Variants in CLVS1 observed in about 807,000 individuals in gnomAD.
The protein encoded by CLVS1 is clavesin-1.
A neutral mutation model predicts 33.1 loss-of-function variants in CLVS1; 10 were observed. That is an observed-to-expected ratio of 0.30 (90% CI 0.19 to 0.51). CLVS1 has a LOEUF of 0.51. CLVS1 is among the 20% of genes least tolerant of loss of function. The pLI is 0.97. For synonymous variants in CLVS1, 163 were observed against 166.1 expected, an observed-to-expected ratio of 0.98 and a Z score of 0.14; for missense variants, 343 against 433.4, an observed-to-expected ratio of 0.79 and a Z score of 1.85.
intron 2 of CLVS1, among the ~76,000 whole-genome samples, chr8:61,235,500 T>G (rs753033299): frequency 6.6e-6 from 1 of 152,226 alleles, no homozygotes; most frequent in Non-Finnish European, 1.5e-5. Flanking sequence ...AGTTTTTTGT[T>G]TTATTCAAAT....
intron 1 of CLVS1, among the ~76,000 whole-genome samples, chr8:61,064,697 C>G (rs899569651): frequency 2.6e-5 from 4 of 151,694 alleles, no homozygotes; most frequent in Non-Finnish European, 5.9e-5. Context: ...CCTGCCACCA[C>G]GTCCAGCTAA....
At chr8:61,315,222 C>G (rs1206056519) in intron 2 of CLVS1, among the ~76,000 whole-genome samples, 1 of 152,162 alleles carries the variant, frequency 6.6e-6, no homozygotes, top group Non-Finnish European at 1.5e-5. Context: ...AACTAAAACC[C>G]ATTTTTACCA....
At chr8:61,474,196 T>C (rs549188654) in intron 5 of CLVS1, among the ~76,000 whole-genome samples, 1 of 152,172 alleles carries the variant, frequency 6.6e-6, no homozygotes, top group East Asian at 1.9e-4. Context: ...CTAGATGTGG[T>C]GTTGCAGAAG....
intron 2 of CLVS1, among the ~76,000 whole-genome samples, chr8:61,314,868 G>A (rs112739085): frequency 1.3e-5 from 2 of 152,318 alleles, no homozygotes; most frequent in African/African-American, 4.8e-5. Context: ...AGATTAGGAA[G>A]CCAGAAAACT....
intron 2 of CLVS1, among the ~76,000 whole-genome samples, chr8:61,251,231 A>G (rs1189341324): frequency 6.6e-6 from 1 of 152,166 alleles, no homozygotes; most frequent in Non-Finnish European, 1.5e-5. Flanking sequence ...TGATTTGTGT[A>G]TGTTGAACCA....
chr8:61,471,324 T>C (rs2129607736), intron 5 of CLVS1, among the ~76,000 whole-genome samples: 1 of 152,308 alleles, frequency 6.6e-6, no homozygotes, highest in East Asian at 1.9e-4. Context: ...CTATTACCTT[T>C]CTTTCCTTCC....
intron 5 of CLVS1, among the ~76,000 whole-genome samples, chr8:61,481,055 G>T (rs148028420): frequency 6.6e-6 from 1 of 152,112 alleles, no homozygotes; most frequent in Non-Finnish European, 1.5e-5. Flanking sequence ...TGGTTTAGAG[G>T]AAAGGAAAGG....
the CLVS1 span, among the ~76,000 whole-genome samples, chr8:61,034,013 A>T: frequency 6.6e-6 from 1 of 152,062 alleles, no homozygotes; most frequent in African/African-American, 2.4e-5. Flanking sequence ...TTGATCATCC[A>T]CAAGTTCAGC....
At chr8:61,149,566 A>AAC (rs1806485711) in intron 2 of CLVS1, among the ~76,000 whole-genome samples, 1 of 149,258 alleles carries the variant, frequency 6.7e-6, no homozygotes, top group African/African-American at 2.5e-5. Flanking sequence ...AAAAAAAAAA[A>AAC]AACAAAAAAC....
intron 2 of CLVS1, among the ~76,000 whole-genome samples, chr8:61,343,690 A>C (rs2129598389): frequency 6.6e-6 from 1 of 152,318 alleles, no homozygotes; most frequent in Non-Finnish European, 1.5e-5. Flanking sequence ...GCCAGTTGCA[A>C]AATTAATGCT....
Position 61,214,251 on chromosome 8 carries a change from T to A in CLVS1, c.-152+82391T>A, listed in dbSNP as rs150702933. Among the ~76,000 whole-genome samples the A allele has an allele frequency of 3.3e-3, 500 of 152,308 alleles. 1 individual carries two copies. Among genetic ancestry groups the A allele is most frequent in the African/African-American group, 0.011 (465 of 41,558 alleles). ...TGCCTTGTGATATTCTATTACCTTGTAAAGTACTTGATGTCTGTGACCCAC... is the reference window on the plus strand; with the variant it reads ...TGCCTTGTGATATTCTATTACCTTGAAAAGTACTTGATGTCTGTGACCCAC... On this transcript the variant is annotated intron_variant, in intron 2 of 2. Transcript: ENST00000522621.
At chr8:61,188,827 T>G (rs1241899554) in intron 2 of CLVS1, among the ~76,000 whole-genome samples, 2 of 152,062 alleles carry the variant, frequency 1.3e-5, no homozygotes, top group African/African-American at 4.8e-5. Flanking sequence ...TGTAATTCTT[T>G]AGAATGCTTT....
intron 3 of CLVS1, among the ~76,000 whole-genome samples, chr8:61,437,384 A>G (rs1816370065): frequency 6.6e-6 from 1 of 152,234 alleles, no homozygotes; most frequent in African/African-American, 2.4e-5. Flanking sequence ...AACAAATTTA[A>G]TGACTTTGTC....
rs568618869 is a variant in CLVS1 at position 61,137,893 on chromosome 8, A to G, written c.-152+6033A>G. 5.3e-5 allele frequency among the ~76,000 whole-genome samples: 8 copies of G among 152,258 alleles called. No homozygotes were observed. In the South Asian group the frequency reaches 1.7e-3, roughly 32 times the overall value. ...GGAGAAGGTGCACCTTGGGGCTGAT[A>G]GGTGCTTCTGGGATCTCCTCTCATG... is the stretch of plus-strand genomic sequence containing the variant. On this transcript the variant is annotated intron_variant, in intron 2 of 2. Transcript: ENST00000522621.
Position 61,299,899 on chromosome 8 carries a change from C to A in CLVS1, c.72C>A (p.Thr24=). ...GGAACGGAGATTTGGCCAAGATGAC[C>A]CATTTACAGGCTGGACTCAGTCCAG... is the stretch of plus-strand genomic sequence containing the variant. ...NTWNGDLAKM[T]HLQAGLSPET... The change falls in exon 2 of 6, where the codon ACC becomes ACA. Residue 24 remains threonine, a synonymous_variant. Transcript: ENST00000325897. 1 of 1,613,872 alleles carries A rather than the reference C, an allele frequency of 6.2e-7. No homozygotes were observed. The highest frequency in any genetic ancestry group is 2.2e-5 in the East Asian group (1 of 44,878).
At chr8:61,336,527 G>A (rs1047603282) in intron 2 of CLVS1, among the ~76,000 whole-genome samples, 3 of 152,088 alleles carry the variant, frequency 2.0e-5, no homozygotes, top group African/African-American at 7.2e-5. Context: ...CAATAGAAGT[G>A]AGCAGAACCC....
intron 2 of CLVS1, among the ~76,000 whole-genome samples, chr8:61,226,266 A>G (rs1255073874): frequency 2.6e-5 from 4 of 152,242 alleles, no homozygotes; most frequent in Non-Finnish European, 5.9e-5. Flanking sequence ...TATAAAACCT[A>G]CTGGCTCTTT....
At position 61,352,026 on chromosome 8, in the gene CLVS1, T is replaced by C. The variant is rs3857974; in HGVS notation, c.456-24579T>C. Among the ~76,000 whole-genome samples, 766 of 152,134 alleles carry C rather than the reference T, an allele frequency of 5.0e-3. 4 individuals are homozygous for C. The highest frequency in any genetic ancestry group is 0.017 in the African/African-American group (699 of 41,530). On this transcript the variant is annotated intron_variant, in intron 2 of 5. Transcript: ENST00000325897. ...GAGGAAGAGTAGAAACATGTGCATA[T>C]AATAAACTATCTTTTATCTCATGAG...
At chr8:61,113,467 GC>G (rs1415660193) in intron 1 of CLVS1, among the ~76,000 whole-genome samples, 2 of 152,160 alleles carry the variant, frequency 1.3e-5, no homozygotes, top group Non-Finnish European at 2.9e-5. Context: ...GGTGAGCAGA[GC>G]CATGTGGGAG....
Sources: allele counts gnomAD v4.1 joint callset (sites outside exome capture counted in the v4.1 genomes callset), GRCh38; gene constraint gnomAD v4.1.1; transcripts MANE v1.5; gene names NCBI Gene and HGNC (gene_info 2026-07-23, HGNC 2026-07-21).